HSP90AA1: variants seen among roughly 807,000 people sequenced by gnomAD.
HSP90AA1 encodes the protein heat shock protein HSP 90-alpha.
In HSP90AA1, 18 loss-of-function variants were observed where a neutral mutation model predicts 73.3. The observed-to-expected ratio is 0.25, with a 90% CI of 0.17 to 0.36. The LOEUF (loss-of-function observed/expected upper bound fraction) is 0.36, where lower values mean the gene tolerates loss of function less well. Among genes scored for constraint, HSP90AA1 ranks in the 10% least tolerant of loss-of-function variants. The pLI, the probability that HSP90AA1 is intolerant of heterozygous loss-of-function variation, is 1.00. For synonymous variants in HSP90AA1, 477 were observed against 296.9 expected (o/e 1.61, Z -6.24); for missense variants, 704 against 874.2 (o/e 0.81, Z 2.45).
chr14:102,088,453 G>A (rs145402512), upstream of HSP90AA1, among the ~76,000 whole-genome samples: 420 of 152,330 alleles, frequency 2.8e-3, 3 homozygotes, highest in African/African-American at 9.0e-3. Context: ...TCAGGAGCAG[G>A]GGTTTTCAGA....
Position 102,082,154 on chromosome 14 carries a change from C to T in HSP90AA1, c.2046G>A (p.Gln682=). The change falls in exon 10 of 11, where the codon CAG becomes CAA. Residue 682 remains glutamine, a synonymous_variant. Coordinates refer to ENST00000216281, the MANE Select transcript of HSP90AA1 (RefSeq NM_005348.4). ...TCCTGTAGATCCTGTTAGCATGTGT[C>T]TGGGGATCTTCCAGACTGAAGCCAG... ...LSSGFSLEDP[Q]THANRIYRMI... 1.2e-6 allele frequency: 2 copies of T among 1,613,864 alleles called. No homozygotes were observed.
In HSP90AA1 at chr14:102,087,039, G is replaced by A. The variant is rs17554416; in HGVS notation, c.-54C>T. 62 of 985,476 alleles carry A rather than the reference G, an allele frequency of 6.3e-5. No individual in the cohort carries two copies. In the East Asian group the frequency reaches 1.5e-3, roughly 24 times the overall value. The allele number at this position is 985,476 out of a possible 1,614,324, so 61.0% of individuals were successfully genotyped here. On this transcript the variant is annotated 5_prime_UTR_variant, in exon 1 of 11. Transcript: ENST00000216281. ...GGCACAGCCACACCGGGACGCTGAAGCAACTGACGCGCCACCCCCGCGCCT... is the reference window on the plus strand; with the variant it reads ...GGCACAGCCACACCGGGACGCTGAAACAACTGACGCGCCACCCCCGCGCCT...
intron 1 of HSP90AA1, among the ~76,000 whole-genome samples, chr14:102,133,532 G>GT (rs2049935918): frequency 7.0e-6 from 1 of 143,762 alleles, no homozygotes; most frequent in African/African-American, 2.6e-5. Context: ...TGCCCAGGCT[G>GT]GAGTGCAATG....
intron 1 of HSP90AA1, among the ~76,000 whole-genome samples, chr14:102,137,845 T>C (rs2050033003): frequency 6.6e-6 from 1 of 151,592 alleles, no homozygotes; most frequent in Admixed American, 6.6e-5. Context: ...TGAAACCCCA[T>C]CTCTACTAAA....
At position 102,105,224 on chromosome 14, in the gene HSP90AA1, AAAAAAC is replaced by A. The variant is rs1384482092; in HGVS notation, c.156-3145_156-3140del. On this transcript the variant is annotated intron_variant, in intron 1 of 11. Coordinates refer to the HSP90AA1 transcript ENST00000334701. ...TCTGTCTCAAAAAAAAAAAACAAAA[AAAAAAC>A]CAAACTTCATTCAACAAACACTGAT... is the stretch of plus-strand genomic sequence containing the variant. 1.3e-5 allele frequency among the ~76,000 whole-genome samples: 2 copies of A among 149,426 alleles called. 1 individual carries two copies. Among genetic ancestry groups the A allele is most frequent in the Non-Finnish European group, 3.0e-5 (2 of 67,500 alleles).
rs760573190 is a variant in HSP90AA1 at position 102,085,004 on chromosome 14, A to C, written c.664-6T>G. 6.2e-7 allele frequency: 1 copy of C among 1,613,886 alleles called. No homozygotes were observed. Among genetic ancestry groups the C allele is most frequent in the South Asian group, 1.1e-5 (1 of 91,070 alleles). ...TTATCACGTTCCTTCTCCACCTTCAAAAGAAAACACGAAATCACATCACTG... is the reference window on the plus strand; with the variant it reads ...TTATCACGTTCCTTCTCCACCTTCACAAGAAAACACGAAATCACATCACTG... On this transcript the variant is annotated splice_region_variant and splice_polypyrimidine_tract_variant and intron_variant, in intron 4 of 10. Coordinates refer to ENST00000216281, the MANE Select transcript of HSP90AA1 (RefSeq NM_005348.4).
chr14:102,088,534 G>A (rs2049303167), upstream of HSP90AA1, among the ~76,000 whole-genome samples: 2 of 152,230 alleles, frequency 1.3e-5, no homozygotes. Context: ...TACAAAGCGG[G>A]GGAAGTGGAA....
upstream of HSP90AA1, among the ~76,000 whole-genome samples, chr14:102,088,825 G>A (rs1177375326): frequency 1.3e-5 from 2 of 151,998 alleles, no homozygotes; most frequent in African/African-American, 2.4e-5. Flanking sequence ...TTTTCCTACC[G>A]CAGTTTCTGC....
At position 102,087,021 on chromosome 14, in the gene HSP90AA1, C is replaced by G. The variant is rs570850144; in HGVS notation, c.-36G>C. On this transcript the variant is annotated 5_prime_UTR_variant, in exon 1 of 11. Transcript: ENST00000216281. Reference sequence around the variant, plus strand: ...TGACCGCACAGGACCAACGGCACAGCCACACCGGGACGCTGAAGCAACTGA... The same window carrying G: ...TGACCGCACAGGACCAACGGCACAGGCACACCGGGACGCTGAAGCAACTGA... 1.0e-5 allele frequency: 10 copies of G among 985,312 alleles called. No individual in the cohort carries two copies. Among genetic ancestry groups the G allele is most frequent in the African/African-American group, 1.7e-5 (1 of 57,198 alleles). The allele number at this position is 985,312 out of a possible 1,614,324, so 61.0% of individuals were successfully genotyped here. A position where few individuals can be genotyped will look rare whatever the true frequency, so the allele number is the denominator to read the frequency against.
rs142331193 is a variant in HSP90AA1, at chr14:102,081,963, T to TTAC, written c.2089+145_2090-143dup. 5.2e-3 allele frequency: 4,020 copies of TTAC among 769,482 alleles called. 83 individuals are homozygous for TTAC. The highest frequency in any genetic ancestry group is 0.042 in the East Asian group (1,614 of 38,526). 47.7% of individuals were successfully genotyped at this position (769,482 alleles called of 1,614,324 possible). A position where few individuals can be genotyped will look rare whatever the true frequency, so the allele number is the denominator to read the frequency against. On this transcript the variant is annotated intron_variant, in intron 10 of 10. Coordinates refer to ENST00000216281, the MANE Select transcript of HSP90AA1 (RefSeq NM_005348.4). Reference sequence around the variant, plus strand: ...TTCATTTCTTTGCTCTTGTAAGACCTTACTTATCCCTAAAAAAAACATACT... The same window carrying TTAC: ...TTCATTTCTTTGCTCTTGTAAGACCTTACTACTTATCCCTAAAAAAAACATACT...
intron 1 of HSP90AA1, among the ~76,000 whole-genome samples, chr14:102,137,140 G>C (rs1195861132): frequency 6.6e-6 from 1 of 151,892 alleles, no homozygotes; most frequent in East Asian, 1.9e-4. Context: ...CTTGAACTTG[G>C]GAGGCGGAGA....
At chr14:102,098,815 C>T (rs976514578) in intron 2 of HSP90AA1, among the ~76,000 whole-genome samples, 1 of 152,152 alleles carries the variant, frequency 6.6e-6, no homozygotes, top group African/African-American at 2.4e-5. Context: ...GTCCTTGAGC[C>T]GCTGCACCTG....
At chr14:102,105,588 G>A (rs575651942) in intron 1 of HSP90AA1, among the ~76,000 whole-genome samples, 3 of 152,328 alleles carry the variant, frequency 2.0e-5, no homozygotes, top group Non-Finnish European at 4.4e-5. Context: ...TAGGCATGGA[G>A]CTATGCAGGA....
intron 1 of HSP90AA1, among the ~76,000 whole-genome samples, chr14:102,128,794 C>T (rs1216488134): frequency 2.6e-5 from 4 of 151,718 alleles, no homozygotes; most frequent in Admixed American, 2.6e-4. Context: ...TAGCGACACT[C>T]CATCTTAAGA....
chr14:102,128,398 T>C (rs953673885), intron 1 of HSP90AA1, among the ~76,000 whole-genome samples: 2 of 151,768 alleles, frequency 1.3e-5, no homozygotes, highest in Non-Finnish European at 2.9e-5. Context: ...GAGGCCGAGG[T>C]GGGTGGATCA....
intron 2 of HSP90AA1, among the ~76,000 whole-genome samples, chr14:102,097,477 G>A (rs895945343): frequency 2.0e-5 from 3 of 152,130 alleles, no homozygotes; most frequent in Non-Finnish European, 4.4e-5. Context: ...GGGGGTGGGT[G>A]CAGGCTGGCT....
At chr14:102,083,407 G>C (rs2049142473) in intron 8 of HSP90AA1, 105 bp from the exon 9 acceptor site, 2 of 1,440,806 alleles carry the variant, frequency 1.4e-6, no homozygotes, top group Non-Finnish European at 1.9e-6. Flanking sequence ...ACCTAAGACA[G>C]AAAATGACCT....
At chr14:102,130,374 ATTGG>A (rs1365730091) in intron 1 of HSP90AA1, among the ~76,000 whole-genome samples, 5 of 152,068 alleles carry the variant, frequency 3.3e-5, no homozygotes, top group Admixed American at 6.6e-5. Flanking sequence ...TATTTTCCAT[ATTGG>A]CTATATTACT....
At chr14:102,111,072 C>T (rs548444129) in intron 1 of HSP90AA1, among the ~76,000 whole-genome samples, 2 of 152,294 alleles carry the variant, frequency 1.3e-5, no homozygotes, top group African/African-American at 2.4e-5. Flanking sequence ...AAATTTGCAG[C>T]CTGGAAATGC....
Sources: gnomAD v4.1 joint callset for allele counts (sites outside exome capture counted in the v4.1 genomes callset) on GRCh38, gnomAD v4.1.1 for gene constraint, MANE v1.5 for transcripts, NCBI Gene and HGNC (gene_info 2026-07-23, HGNC 2026-07-21) for gene names.